CYBRD1: variants seen among roughly 807,000 people sequenced by gnomAD.
The protein encoded by CYBRD1 is cytochrome b reductase 1, also known as plasma membrane ascorbate-dependent reductase CYBRD1.
CYBRD1 carries 14 observed loss-of-function variants against 21.9 expected under a neutral mutation model. That is an observed-to-expected ratio of 0.64 (90% CI 0.42 to 1.00). The LOEUF (loss-of-function observed/expected upper bound fraction) is 1.00, where lower values mean the gene tolerates loss of function less well. CYBRD1 is among the 50% of genes least tolerant of loss of function. CYBRD1 has a pLI of 0.00. For synonymous variants in CYBRD1, 146 were observed against 136.5 expected, an observed-to-expected ratio of 1.07 and a Z score of -0.48; for missense variants, 328 against 352.5, an observed-to-expected ratio of 0.93 and a Z score of 0.56.
chr2:171,549,792 T>C (rs1697772274), intron 2 of CYBRD1, among the ~76,000 whole-genome samples: 1 of 152,256 alleles, frequency 6.6e-6, no homozygotes, highest in Non-Finnish European at 1.5e-5. Context: ...ACTTCCACTG[T>C]GTTGAAGAAC....
At chr2:171,545,357 C>T (rs1411810505) in intron 2 of CYBRD1, among the ~76,000 whole-genome samples, 2 of 149,358 alleles carry the variant, frequency 1.3e-5, no homozygotes, top group Non-Finnish European at 1.5e-5. Context: ...CTTTTGCTAT[C>T]TCTGCTGAGA....
In CYBRD1 at chr2:171,558,109, G is replaced by A. The variant is rs944329546; in HGVS notation, c.*3282G>A. 6.6e-6 allele frequency: 1 copy of A among 151,306 alleles called. No individual in the cohort carries two copies. The highest frequency in any genetic ancestry group is 1.5e-5 in the Non-Finnish European group (1 of 67,870). 9.4% of individuals were successfully genotyped at this position (151,306 alleles called of 1,614,324 possible). On this transcript the variant is annotated 3_prime_UTR_variant, in exon 4 of 4. Transcript: ENST00000321348. ...ATTTTTTCTTGACTTCTTTTATATA[G>A]TAATAAAAGTTATTTTGGAAGCTCT...
At chr2:171,545,254 G>A (rs753867238) in intron 2 of CYBRD1, among the ~76,000 whole-genome samples, 3 of 151,866 alleles carry the variant, frequency 2.0e-5, no homozygotes, top group Admixed American at 6.6e-5. Context: ...TTACCATTGA[G>A]TACAGATGCG....
At chr2:171,528,630 G>C (rs1697418666) in intron 1 of CYBRD1, among the ~76,000 whole-genome samples, 1 of 152,108 alleles carries the variant, frequency 6.6e-6, no homozygotes, top group Non-Finnish European at 1.5e-5. Flanking sequence ...TTCGCTTTAA[G>C]TACTATCTAT....
chr2:171,554,636 T>A lies in CYBRD1; in HGVS notation c.670T>A (p.Trp224Arg), dbSNP rs1323880754. 3 of 1,614,040 alleles carry A rather than the reference T, an allele frequency of 1.9e-6. No homozygotes were observed. In the South Asian group the frequency reaches 3.3e-5, roughly 18 times the overall value. Residue 224 changes from tryptophan to arginine, a missense_variant, in exon 4 of 4, where the codon TGG becomes AGG. By Grantham distance (101) the Trp-to-Arg change is moderately radical. Coordinates refer to ENST00000321348, the MANE Select transcript of CYBRD1 (RefSeq NM_024843.4). Reference sequence around the variant, plus strand: ...TTTTTGGATAGTCACCAGACCGCAATGGAAACGTCCTAAGGAGCCAAATTC... The same window carrying A: ...TTTTTGGATAGTCACCAGACCGCAAAGGAAACGTCCTAAGGAGCCAAATTC... ...LIFWIVTRPQ[W>R]KRPKEPNSTI...
intron 1 of CYBRD1, among the ~76,000 whole-genome samples, chr2:171,524,557 A>G (rs982122948): frequency 6.6e-5 from 10 of 152,242 alleles, no homozygotes; most frequent in Admixed American, 2.0e-4. Flanking sequence ...AGAATGGCTA[A>G]TAGTGATTGC....
intron 1 of CYBRD1, among the ~76,000 whole-genome samples, chr2:171,527,762 C>T (rs1007157384): frequency 5.3e-5 from 8 of 152,108 alleles, no homozygotes; most frequent in Non-Finnish European, 8.8e-5. Flanking sequence ...CTATCATCTT[C>T]GAAAACAAAA....
At chr2:171,537,408 C>G (rs1439794982) in intron 1 of CYBRD1, among the ~76,000 whole-genome samples, 1 of 152,092 alleles carries the variant, frequency 6.6e-6, no homozygotes, top group East Asian at 1.9e-4. Context: ...GGAGGGGAAA[C>G]CACAGTGTTT....
At chr2:171,530,331 G>A (rs972160354) in intron 1 of CYBRD1, among the ~76,000 whole-genome samples, 4 of 152,190 alleles carry the variant, frequency 2.6e-5, no homozygotes, top group Non-Finnish European at 4.4e-5. Flanking sequence ...TGCACTCTGG[G>A]AAGCCCAAAG....
At position 171,536,868 on chromosome 2, in the gene CYBRD1, ATT is replaced by A. The variant is rs60100332; in HGVS notation, c.194-4708_194-4707del. Among the ~76,000 whole-genome samples the A allele has an allele frequency of 6.5e-4, 99 of 151,736 alleles. No individual in the cohort carries two copies. In the East Asian group the frequency reaches 0.017, roughly 26 times the overall value. On this transcript the variant is annotated intron_variant, in intron 1 of 3. Transcript: ENST00000321348. Reference sequence around the variant, plus strand: ...CTTTTCGAGTGTTGAAATCCTGAGTATTTTTTTTTTCTGTATGTAGATGTTCA... The same window carrying A: ...CTTTTCGAGTGTTGAAATCCTGAGTATTTTTTTTCTGTATGTAGATGTTCA...
chr2:171,523,457 G>T, intron 1 of CYBRD1: 1 of 196,956 alleles, frequency 5.1e-6, no homozygotes. Context: ...ACGGTCTTGA[G>T]CCCGACTTGT....
chr2:171,536,680 C>A lies in CYBRD1; in HGVS notation c.194-4905C>A, dbSNP rs757974955. On this transcript the variant is annotated intron_variant, in intron 1 of 3. Transcript: ENST00000321348. ...GAACTCCTGACCTCAAATGATCTGCCTGCCTCAGCCTCCCAAAGTGCTGGG... is the reference window on the plus strand; with the variant it reads ...GAACTCCTGACCTCAAATGATCTGCATGCCTCAGCCTCCCAAAGTGCTGGG... 3.3e-4 allele frequency among the ~76,000 whole-genome samples: 50 copies of A among 152,306 alleles called. 1 individual carries two copies. Among genetic ancestry groups the A allele is most frequent in the Middle Eastern group, 3.4e-3 (1 of 294 alleles).
rs1349595368 is a variant in CYBRD1, at chr2:171,555,029, T to TAGCAG, written c.*204_*208dup. 6.5e-6 allele frequency: 4 copies of TAGCAG among 616,428 alleles called. No homozygotes were observed. The highest frequency in any genetic ancestry group is 1.1e-5 in the Non-Finnish European group (4 of 355,310). 38.2% of individuals were successfully genotyped at this position (616,428 alleles called of 1,614,324 possible). ...GAAAGGATGTGATTAATATAAATAATAGCAGATATAAATTGTGGTTATGTT... is the reference window on the plus strand; with the variant it reads ...GAAAGGATGTGATTAATATAAATAATAGCAGAGCAGATATAAATTGTGGTTATGTT... On this transcript the variant is annotated 3_prime_UTR_variant, in exon 4 of 4. Coordinates refer to ENST00000321348, the MANE Select transcript of CYBRD1 (RefSeq NM_024843.4).
At chr2:171,536,093 C>A (rs1433993076) in intron 1 of CYBRD1, among the ~76,000 whole-genome samples, 1 of 150,390 alleles carries the variant, frequency 6.6e-6, no homozygotes, top group African/African-American at 2.5e-5. Context: ...CCCCAGCAAC[C>A]CTTGTAACTC....
At chr2:171,544,264 A>T (rs552823169) in intron 2 of CYBRD1, among the ~76,000 whole-genome samples, 8 of 152,118 alleles carry the variant, frequency 5.3e-5, no homozygotes, top group Non-Finnish European at 1.0e-4. Context: ...TTTTTCATTT[A>T]TATATATTGC....
chr2:171,541,861 CTTTTTTTTTTTT>C, intron 2 of CYBRD1, 68 bp downstream of exon 2: 13 of 739,774 alleles, frequency 1.8e-5, no homozygotes, highest in Non-Finnish European at 2.4e-5. Context: ...GTTTTCTTTT[CTTTTTTTTTTTT>C]TTTTTTTTTG....
chr2:171,527,672 C>G (rs930389932), intron 1 of CYBRD1, among the ~76,000 whole-genome samples: 1 of 152,148 alleles, frequency 6.6e-6, no homozygotes, highest in African/African-American at 2.4e-5. Context: ...CCTCCTCTTC[C>G]CTTCATCCCA....
At chr2:171,541,515 C>G (rs1697630525) in intron 1 of CYBRD1, 70 bp from the exon 2 acceptor site, 2 of 1,481,368 alleles carry the variant, frequency 1.4e-6, no homozygotes, top group Non-Finnish European at 1.9e-6. Flanking sequence ...TCCAGTGTGT[C>G]AAACTGTTCA....
At chr2:171,522,291 G>T (rs974803295), upstream of CYBRD1, 8 of 1,546,516 alleles carry the variant, frequency 5.2e-6, no homozygotes, top group Non-Finnish European at 6.1e-6. This position sits in a 1 kb window ranked among gnomAD's most constrained non-coding sequence, Gnocchi z 4.3. Context: ...CGAGGGAGAG[G>T]GTGAGGCCAC....
Sources: gnomAD v4.1 joint callset for allele counts (sites outside exome capture counted in the v4.1 genomes callset) on GRCh38, gnomAD v4.1.1 for gene constraint, Gnocchi (gnomAD v3.1) non-coding constraint, MANE v1.5 for transcripts, NCBI Gene and HGNC (gene_info 2026-07-23, HGNC 2026-07-21) for gene names.